The following TYK2 variants were observed in gnomAD, a reference collection of about 807,000 sequenced individuals.
TYK2 encodes non-receptor tyrosine-protein kinase TYK2.
Under a neutral mutation model 130.9 loss-of-function variants are expected in TYK2, and 65 were observed. The observed-to-expected ratio is 0.50, with a 90% confidence interval of 0.41 to 0.61. The LOEUF is 0.61. Among genes scored for constraint, TYK2 ranks in the 20% least tolerant of loss-of-function variants. TYK2 has a pLI of 0.00. For missense variants in TYK2, 1,378 were observed against 1,610.7 expected (o/e 0.86, Z 2.47); for synonymous variants, 647 against 658.9 (o/e 0.98, Z 0.28).
intron 23 of TYK2, 106 bp downstream of exon 23, chr19:10,352,328 T>G: frequency 1.2e-6 from 1 of 807,344 alleles, no homozygotes; most frequent in South Asian, 1.4e-5. Context: ...CGCCTCGGCC[T>G]CCCAAAGTGC....
Position 10,354,136 on chromosome 19 carries a change from G to C in TYK2, c.2814C>G (p.Pro938=), listed in dbSNP as rs763629813. ...CCTGCTTCCAGCCCGAGCGGTGCTGGGGGCCGCAGTCTGCCTTGAGGGCTT... is the reference window on the plus strand; with the variant it reads ...CCTGCTTCCAGCCCGAGCGGTGCTGCGGGCCGCAGTCTGCCTTGAGGGCTT... ...AVKALKADCG[P]QHRSGWKQEI... is the part of the protein sequence containing the mutation. The change falls in exon 20 of 25, where the codon CCC becomes CCG. Residue 938 remains proline, a synonymous_variant. Coordinates refer to ENST00000525621, the MANE Select transcript of TYK2 (RefSeq NM_003331.5). The C allele has an allele frequency of 3.5e-5, 57 of 1,614,092 alleles. No individual in the cohort carries two copies. Among genetic ancestry groups the C allele is most frequent in the Middle Eastern group, 1.6e-4 (1 of 6,062 alleles).
chr19:10,354,637 T>C, intron 18 of TYK2, 28 bp from the exon 19 acceptor site: 1 of 1,581,710 alleles, frequency 6.3e-7, no homozygotes, highest in Non-Finnish European at 8.7e-7. Flanking sequence ...GGTAAAGGCC[T>C]GACCCCGATC....
Position 10,362,188 on chromosome 19 carries a change from G to T in TYK2, c.1670-7C>A, listed in dbSNP as rs199603061. 5.0e-6 allele frequency: 8 copies of T among 1,613,934 alleles called. No homozygotes were observed. The highest frequency in any genetic ancestry group is 3.3e-5 in the Admixed American group (2 of 60,018). Reference sequence around the variant, plus strand: ...ATGATGAGATTGGAGGTTTCTGGGGGCAGGCATCAAGTCATGGAGGGCGGG... The same window carrying T: ...ATGATGAGATTGGAGGTTTCTGGGGTCAGGCATCAAGTCATGGAGGGCGGG... On this transcript the variant is annotated splice_polypyrimidine_tract_variant and splice_region_variant and intron_variant, in intron 11 of 24. Coordinates refer to ENST00000525621, the MANE Select transcript of TYK2 (RefSeq NM_003331.5).
chr19:10,352,298 TC>T, intron 23 of TYK2, 135 bp downstream of exon 23: 1 of 713,088 alleles, frequency 1.4e-6, no homozygotes, highest in Non-Finnish European at 2.5e-6. Context: ...GGTCTCGATC[TC>T]CTGACCTCGT....
rs757328478 is a variant in TYK2, at chr19:10,352,985, G to T, written c.3141C>A (p.Ala1047=). The change falls in exon 22 of 25, where the codon GCC becomes GCA. Residue 1047 remains alanine, a synonymous_variant. Coordinates refer to ENST00000525621, the MANE Select transcript of TYK2 (RefSeq NM_003331.5). Reference sequence around the variant, plus strand: ...GGTAGTACTCGTGGCCTTCGGGCACGGCCTTGGCTAGGCCAAAGTCCCCGA... The same window carrying T: ...GGTAGTACTCGTGGCCTTCGGGCACTGCCTTGGCTAGGCCAAAGTCCCCGA... ...VKIGDFGLAK[A]VPEGHEYYRV... 2 of 1,605,944 alleles carry T rather than the reference G, an allele frequency of 1.2e-6. No homozygotes were observed. The highest frequency in any genetic ancestry group is 1.7e-6 in the Non-Finnish European group (2 of 1,175,918).
rs575878759 is a variant in TYK2 at position 10,368,529 on chromosome 19, C to A, written c.194-111G>T. The A allele has an allele frequency of 3.3e-6, 5 of 1,518,410 alleles. No individual in the cohort carries two copies. The South Asian group carries it at 3.5e-5, about 11-fold the overall frequency. 94.1% of individuals were successfully genotyped at this position (1,518,410 alleles called of 1,614,324 possible). On this transcript the variant is annotated intron_variant, in intron 3 of 24. Transcript: ENST00000525621. ...ACACTCCCTCTGAGGCCCCCTCCCC[C>A]ACCTGCAGCTTCAGTCTCACGTTGC...
chr19:10,352,871 C>A, intron 22 of TYK2, 55 bp downstream of exon 22: 1 of 1,535,264 alleles, frequency 6.5e-7, no homozygotes, highest in Non-Finnish European at 8.7e-7. Flanking sequence ...TCTACTCCAC[C>A]CTGCCTGTTC....
rs758779015 is a variant in TYK2 at position 10,357,914 on chromosome 19, C to T, written c.2316G>A (p.Arg772=). The T allele has an allele frequency of 2.5e-6, 4 of 1,613,446 alleles. No homozygotes were observed. Among genetic ancestry groups the T allele is most frequent in the Admixed American group, 3.3e-5 (2 of 60,002 alleles). ...VGLGALSREE[R]VERIPWLAPE... ...GGGCCAGCCAGGGGATCCTCTCCAC[C>T]CGCTCTGGGAGGCCAAGGTCAGAGG... The change falls in exon 17 of 25, where the codon CGG becomes CGA. Residue 772 remains arginine (R), a synonymous_variant. Coordinates refer to ENST00000525621, the MANE Select transcript of TYK2 (RefSeq NM_003331.5).
chr19:10,356,767 A>G lies in TYK2; in HGVS notation c.2467-49T>C, dbSNP rs758023127. The G allele has an allele frequency of 2.9e-5, 45 of 1,542,468 alleles. No individual in the cohort carries two copies. The Admixed American group carries it at 8.2e-4, about 28-fold the overall frequency. ...AGTCAACATCCTCCCCTCGCCCCCA[A>G]CCCGTTCCCCAAGAGGCAGAGTCAA... is the stretch of plus-strand genomic sequence containing the variant. On this transcript the variant is annotated intron_variant, in intron 17 of 24. Coordinates refer to ENST00000525621, the MANE Select transcript of TYK2 (RefSeq NM_003331.5).
At position 10,364,657 on chromosome 19, in the gene TYK2, G is replaced by A. The variant is rs762546704; in HGVS notation, c.1324C>T (p.Arg442Trp). Residue 442 changes from arginine to tryptophan, a missense_variant, in exon 9 of 25, where the codon CGG becomes TGG. Coordinates refer to ENST00000525621, the MANE Select transcript of TYK2 (RefSeq NM_003331.5). The surrounding 1 kb of genome is among the most constrained non-coding windows in gnomAD (Gnocchi z 4.9). ...HYLCHEVAPP[R>W]LVMSIRDGIH... ...CCATCCCGGATGCTCATCACCAGCC[G>A]TGGGGGAGCCACCTCGTGGCACAGG... 38 of 1,613,796 alleles carry A rather than the reference G, an allele frequency of 2.4e-5. No individual in the cohort carries two copies. In the Middle Eastern group the frequency reaches 4.9e-4, roughly 21 times the overall value.
In TYK2 at chr19:10,354,043, T is replaced by G; in HGVS notation, c.2907A>C (p.Gln969His). ...TAGGACTCGCCGGGTCCCGCCCACCTTGGTCCTCGCAGCAGCCCTTGTACT... is the reference window on the plus strand; with the variant it reads ...TAGGACTCGCCGGGTCCCGCCCACCGTGGTCCTCGCAGCAGCCCTTGTACT... ...IIKYKGCCED[Q>H]GEKSLQLVME... is the part of the protein sequence containing the mutation. The change falls in exon 20 of 25, where the codon CAA (glutamine) becomes CAC (histidine). Residue 969 changes from glutamine (Q) to histidine (H), a missense_variant and splice_region_variant. Physicochemically the swap from Gln to His is conservative, Grantham distance 24. Transcript: ENST00000525621. 1 of 1,614,030 alleles carries G rather than the reference T, an allele frequency of 6.2e-7. No individual in the cohort carries two copies. The highest frequency in any genetic ancestry group is 1.3e-5 in the African/African-American group (1 of 75,050).
intron 3 of TYK2, among the ~76,000 whole-genome samples, chr19:10,370,453 G>A (rs568624640): frequency 2.6e-5 from 4 of 151,560 alleles, no homozygotes; most frequent in Admixed American, 2.6e-4. Flanking sequence ...GGTGGAGGGT[G>A]CAGTGAGCCG....
In TYK2 at chr19:10,351,095, T is replaced by C. The variant is rs1298150782; in HGVS notation, c.3386A>G (p.Glu1129Gly). ...GGGCCGTGGCAGCCTCTCCCCTCGT[T>C]CCAGCAACTCAGTGAGTCTCAGAAC... is the stretch of plus-strand genomic sequence containing the variant. The part of the protein sequence containing the change: ...MTVLRLTELL[E>G]RGERLPRPDK... The change falls in exon 24 of 25, where the codon GAA becomes GGA. Residue 1129 changes from glutamate (E) to glycine (G), a missense_variant. Coordinates refer to ENST00000525621, the MANE Select transcript of TYK2 (RefSeq NM_003331.5). 6.2e-7 allele frequency: 1 copy of C among 1,614,154 alleles called. No homozygotes were observed.
At chr19:10,362,483 C>T in intron 10 of TYK2, 27 bp from the exon 11 acceptor site, 7 of 1,575,632 alleles carry the variant, frequency 4.4e-6, no homozygotes, top group Non-Finnish European at 5.2e-6. Flanking sequence ...GAGGTGGGAG[C>T]AGTAAGCAGG....
chr19:10,354,777 G>A (rs562667236), intron 18 of TYK2, among the ~76,000 whole-genome samples, 168 bp from the exon 19 acceptor site: 2 of 152,060 alleles, frequency 1.3e-5, no homozygotes, highest in Non-Finnish European at 2.9e-5. Flanking sequence ...AAATGATGCA[G>A]AGTTGGCTGC....
chr19:10,350,708 A>T lies in TYK2; in HGVS notation c.*126T>A, dbSNP rs1311470688. 1 of 1,171,134 alleles carries T rather than the reference A, an allele frequency of 8.5e-7. No homozygotes were observed. Among genetic ancestry groups the T allele is most frequent in the African/African-American group, 1.5e-5 (1 of 64,972 alleles). 72.5% of individuals were successfully genotyped at this position (1,171,134 alleles called of 1,614,324 possible). On this transcript the variant is annotated 3_prime_UTR_variant, in exon 25 of 25. Coordinates refer to ENST00000525621, the MANE Select transcript of TYK2 (RefSeq NM_003331.5). ...CACAGAGGTGGGGTCTCTAGACAGG[A>T]GTAAGGCACACGGTGTGGGTGAGGC...
At chr19:10,358,498 G>C (rs2041226390) in intron 15 of TYK2, among the ~76,000 whole-genome samples, 1 of 151,818 alleles carries the variant, frequency 6.6e-6, no homozygotes, top group South Asian at 2.1e-4. Flanking sequence ...CTGCTGCCCA[G>C]GCTGGGGTGC....
Position 10,379,195 on chromosome 19 carries a change from G to A in TYK2, c.-21+420C>T, listed in dbSNP as rs78501895. 7.8e-3 allele frequency among the ~76,000 whole-genome samples: 1,184 copies of A among 152,034 alleles called. 15 individuals carry two copies. Among genetic ancestry groups the A allele is most frequent in the African/African-American group, 0.027 (1,118 of 41,478 alleles). On this transcript the variant is annotated intron_variant, in intron 2 of 24. Transcript: ENST00000525621. Reference sequence around the variant, plus strand: ...TTTTTAAAATTTAGCCAGGCGTGGGGGTGCACATCTGTACTCCAAGCTACT... The same window carrying A: ...TTTTTAAAATTTAGCCAGGCGTGGGAGTGCACATCTGTACTCCAAGCTACT...
Position 10,356,567 on chromosome 19 carries a change from CTG to C in TYK2, c.2616_2617del (p.His872GlnfsTer4). 6.2e-7 allele frequency: 1 copy of C among 1,612,974 alleles called. No homozygotes were observed. Reference sequence around the variant, plus strand: ...GGTCCCAGCACTGGGATGGAGCTCACTGTGGGGCTGCAGCCGGGTGAGGTCAC... The same window carrying C: ...GGTCCCAGCACTGGGATGGAGCTCACTGGGGCTGCAGCCGGGTGAGGTCAC... On this transcript the variant is annotated frameshift_variant and splice_region_variant, in exon 18 of 25. Transcript: ENST00000525621. LOFTEE classifies it high-confidence loss of function.
Sources: gnomAD v4.1 joint callset for allele counts (sites outside exome capture counted in the v4.1 genomes callset) on GRCh38, gnomAD v4.1.1 for gene constraint, Gnocchi (gnomAD v3.1) non-coding constraint, MANE v1.5 for transcripts, NCBI Gene and HGNC (gene_info 2026-07-23, HGNC 2026-07-21) for gene names.